Variants in CLIP2 observed in about 807,000 individuals in gnomAD.
The protein encoded by CLIP2 is CAP-Gly domain containing linker protein 2, also known as CAP-Gly domain-containing linker protein 2.
A neutral mutation model predicts 111.7 loss-of-function variants in CLIP2; 41 were observed. The ratio of observed to expected loss-of-function variants is 0.37; its 90% confidence interval spans 0.29 to 0.48. The LOEUF (loss-of-function observed/expected upper bound fraction) is 0.48. CLIP2 is among the 20% of genes least tolerant of loss of function. The probability of loss-of-function intolerance (pLI) is 0.99; values close to 1 mark genes in which losing one functional copy is unlikely to be tolerated. For missense variants in CLIP2, 1,160 were observed against 1,422.1 expected (o/e 0.82, Z 2.96); for synonymous variants, 660 against 644.2 (o/e 1.02, Z -0.37).
At chr7:74,387,916 C>T (rs144873352) in intron 12 of CLIP2, among the ~76,000 whole-genome samples, 11 of 152,222 alleles carry the variant, frequency 7.2e-5, no homozygotes, top group African/African-American at 2.4e-4. Flanking sequence ...AGGCCGTGAG[C>T]GATGCTCATG....
chr7:74,400,322 C>G, intron 14 of CLIP2, 48 bp from the exon 15 acceptor site: 1 of 1,461,258 alleles, frequency 6.8e-7, no homozygotes, highest in Non-Finnish European at 9.3e-7. Context: ...CGCCCACCAA[C>G]ACACACACGC....
chr7:74,337,392 G>C (rs1030849551), intron 2 of CLIP2, among the ~76,000 whole-genome samples: 17 of 152,196 alleles, frequency 1.1e-4, no homozygotes, highest in African/African-American at 3.9e-4. Flanking sequence ...TGTGGGCCCT[G>C]TAACCGTCTG....
At chr7:74,350,252 A>G (rs954663368) in intron 3 of CLIP2, among the ~76,000 whole-genome samples, 1 of 151,976 alleles carries the variant, frequency 6.6e-6, no homozygotes, top group African/African-American at 2.4e-5. Flanking sequence ...GGGTTTCACC[A>G]TGTTGCCCAG....
chr7:74,390,134 G>GAGAGAA (rs201359762), intron 13 of CLIP2, among the ~76,000 whole-genome samples: 10,101 of 102,764 alleles, frequency 0.098, 1,370 homozygotes, highest in African/African-American at 0.27. Context: ...GAGAGAGAGA[G>GAGAGAA]AGAAAGAAAG....
intron 2 of CLIP2, among the ~76,000 whole-genome samples, chr7:74,326,292 G>A (rs1554730662): frequency 1.3e-5 from 2 of 152,122 alleles, no homozygotes; most frequent in Non-Finnish European, 2.9e-5. Context: ...GCGTTGCCCA[G>A]GGTTACAGGG....
At position 74,305,865 on chromosome 7, in the gene CLIP2, A is replaced by G. The variant is rs2528483; in HGVS notation, c.-67-11615A>G. Among the ~76,000 whole-genome samples, 30 of 75,054 alleles carry G rather than the reference A, an allele frequency of 4.0e-4. 2 individuals carry two copies. The highest frequency in any genetic ancestry group is 6.9e-4 in the African/African-American group (7 of 10,162). 49.2% of individuals were successfully genotyped at this position (75,054 alleles called of 152,430 possible). A position where few individuals can be genotyped will look rare whatever the true frequency, so the allele number is the denominator to read the frequency against. On this transcript the variant is annotated intron_variant, in intron 1 of 16. Transcript: ENST00000223398. ...TCTCCCTGCACCCCAACCCCCCCCC[A>G]CCGCCCCTGCTGCCAGTTCACCATC...
At chr7:74,366,980 C>G (rs1304831025) in intron 8 of CLIP2, among the ~76,000 whole-genome samples, 1 of 151,884 alleles carries the variant, frequency 6.6e-6, no homozygotes, top group Non-Finnish European at 1.5e-5. Context: ...GCTCCTTGGC[C>G]TGTATAACTG....
intron 1 of CLIP2, among the ~76,000 whole-genome samples, chr7:74,292,891 A>G (rs541649457): frequency 1.3e-5 from 2 of 152,290 alleles, no homozygotes; most frequent in South Asian, 4.1e-4. Context: ...ATGTCCCTGA[A>G]CAATTATGAT....
chr7:74,392,565 G>C (rs947884741), intron 13 of CLIP2, among the ~76,000 whole-genome samples: 1 of 151,608 alleles, frequency 6.6e-6, no homozygotes, highest in Non-Finnish European at 1.5e-5. Flanking sequence ...GGCTGCTCAC[G>C]CCTGTAATCC....
At chr7:74,400,864 C>T (rs1791599583) in intron 15 of CLIP2, among the ~76,000 whole-genome samples, 1 of 150,972 alleles carries the variant, frequency 6.6e-6, no homozygotes, top group Non-Finnish European at 1.5e-5. Context: ...GCAGCTCTGT[C>T]CCAGGAACCC....
At chr7:74,303,977 G>A (rs2116465008) in intron 1 of CLIP2, among the ~76,000 whole-genome samples, 1 of 151,052 alleles carries the variant, frequency 6.6e-6, no homozygotes, top group African/African-American at 2.4e-5. Context: ...CAGGATCACA[G>A]ATCACAGCTC....
At chr7:74,359,131 T>C (rs763106565) in intron 6 of CLIP2, among the ~76,000 whole-genome samples, 4 of 150,652 alleles carry the variant, frequency 2.7e-5, no homozygotes, top group Non-Finnish European at 5.9e-5. Flanking sequence ...GCCCAGCTAA[T>C]CTAATTTTTG....
At chr7:74,353,609 A>T (rs1397568186) in intron 3 of CLIP2, among the ~76,000 whole-genome samples, 1 of 152,186 alleles carries the variant, frequency 6.6e-6, no homozygotes, top group African/African-American at 2.4e-5. Context: ...TAACTTGCCT[A>T]GGCACACACA....
intron 2 of CLIP2, among the ~76,000 whole-genome samples, chr7:74,335,624 G>A (rs1789426771): frequency 6.7e-6 from 1 of 149,230 alleles, no homozygotes; most frequent in Non-Finnish European, 1.5e-5. Context: ...ACAGGTGTGA[G>A]CCACTGTGCC....
intron 13 of CLIP2, among the ~76,000 whole-genome samples, chr7:74,395,378 G>T (rs1791418188): frequency 6.6e-6 from 1 of 152,000 alleles, no homozygotes; most frequent in Non-Finnish European, 1.5e-5. Context: ...GGCTGGTCTT[G>T]ACTCATGACC....
chr7:74,340,221 C>T (rs1789619341), intron 3 of CLIP2, among the ~76,000 whole-genome samples: 1 of 152,158 alleles, frequency 6.6e-6, no homozygotes, highest in Admixed American at 6.6e-5. Flanking sequence ...CATGGCGAAA[C>T]ACCATCTCTA....
intron 3 of CLIP2, among the ~76,000 whole-genome samples, chr7:74,342,043 C>T (rs1402002238): frequency 2.6e-5 from 4 of 152,094 alleles, no homozygotes; most frequent in Non-Finnish European, 4.4e-5. Flanking sequence ...GCCAGAGCAT[C>T]GTGCCAGGCA....
intron 2 of CLIP2, among the ~76,000 whole-genome samples, chr7:74,336,021 C>A (rs557804998): frequency 6.8e-6 from 1 of 147,504 alleles, no homozygotes; most frequent in Non-Finnish European, 1.5e-5. Flanking sequence ...GGATTACAGG[C>A]GTAAGCCACT....
At position 74,293,272 on chromosome 7, in the gene CLIP2, C is replaced by T. The variant is rs554903333; in HGVS notation, c.-68+3538C>T. On this transcript the variant is annotated intron_variant, in intron 1 of 16. Transcript: ENST00000223398. ...AACAATTGGAGGCGACCTGGCCCCCCGGGACCCCGGAAGCTGGCAGGCAGC... is the reference window on the plus strand; with the variant it reads ...AACAATTGGAGGCGACCTGGCCCCCTGGGACCCCGGAAGCTGGCAGGCAGC... 3.3e-5 allele frequency among the ~76,000 whole-genome samples: 5 copies of T among 152,302 alleles called. No homozygotes were observed. In the South Asian group the frequency reaches 6.2e-4, roughly 19 times the overall value.
Sources: gnomAD v4.1 joint callset for allele counts (sites outside exome capture counted in the v4.1 genomes callset) on GRCh38, gnomAD v4.1.1 for gene constraint, MANE v1.5 for transcripts, NCBI Gene and HGNC (gene_info 2026-07-23, HGNC 2026-07-21) for gene names.